The following TRABD2B variants were observed in gnomAD, a reference collection of about 807,000 sequenced individuals.
The protein encoded by TRABD2B is metalloprotease TIKI2.
Under a neutral mutation model 40.1 loss-of-function variants are expected in TRABD2B, and 14 were observed. The ratio of observed to expected loss-of-function variants is 0.35; its 90% confidence interval spans 0.23 to 0.55. The LOEUF (loss-of-function observed/expected upper bound fraction) is 0.55, where lower values mean the gene tolerates loss of function less well. Among genes scored for constraint, TRABD2B ranks in the 20% least tolerant of loss-of-function variants. The pLI is 0.90. For synonymous variants in TRABD2B, 263 were observed against 277.0 expected (o/e 0.95, Z 0.50); for missense variants, 541 against 648.6 (o/e 0.83, Z 1.80).
intron 2 of TRABD2B, among the ~76,000 whole-genome samples, chr1:47,871,712 G>T (rs542187403): frequency 6.6e-6 from 1 of 152,206 alleles, no homozygotes; most frequent in Non-Finnish European, 1.5e-5. Flanking sequence ...TTCCCAGTGA[G>T]CTGGTTAGAG....
At chr1:47,909,554 GGAAGAAGGAGGAGGAGGA>G (rs1423195067) in intron 2 of TRABD2B, among the ~76,000 whole-genome samples, 2 of 104,986 alleles carry the variant, frequency 1.9e-5, no homozygotes, top group Non-Finnish European at 4.0e-5. Context: ...AGGAGAAGAA[GGAAGAAGGAGGAGGAGGA>G]GGAGGAGGAG....
At chr1:47,941,261 G>C (rs1360147897) in intron 2 of TRABD2B, among the ~76,000 whole-genome samples, 2 of 152,116 alleles carry the variant, frequency 1.3e-5, no homozygotes, top group Admixed American at 6.5e-5. Context: ...GCTTCCGCTA[G>C]CCACACTGTG....
chr1:47,842,042 G>A (rs1456201118), intron 2 of TRABD2B, among the ~76,000 whole-genome samples: 4 of 152,106 alleles, frequency 2.6e-5, no homozygotes, highest in Admixed American at 2.6e-4. Flanking sequence ...AAAGTGCTGG[G>A]ATTACAGGCA....
At chr1:47,843,213 G>T (rs1645423242) in intron 2 of TRABD2B, among the ~76,000 whole-genome samples, 1 of 152,134 alleles carries the variant, frequency 6.6e-6, no homozygotes, top group Non-Finnish European at 1.5e-5. Context: ...TTTAAGCCGG[G>T]GGCATAAGAC....
intron 2 of TRABD2B, among the ~76,000 whole-genome samples, chr1:47,886,476 T>C (rs189966179): frequency 3.9e-5 from 6 of 152,314 alleles, no homozygotes; most frequent in African/African-American, 1.4e-4. Context: ...ACTGAATTTA[T>C]AGTCTCTGGG....
At chr1:47,789,106 C>T (rs1644636154) in intron 4 of TRABD2B, among the ~76,000 whole-genome samples, 1 of 152,178 alleles carries the variant, frequency 6.6e-6, no homozygotes, top group African/African-American at 2.4e-5. Flanking sequence ...CCAGTATGTC[C>T]TCACAGAACA....
intron 2 of TRABD2B, among the ~76,000 whole-genome samples, chr1:47,939,439 G>A (rs765499991): frequency 4.6e-5 from 7 of 152,162 alleles, no homozygotes; most frequent in Non-Finnish European, 1.0e-4. Flanking sequence ...AATAAAATAA[G>A]GTAGCAGTGA....
At chr1:47,928,575 T>C (rs1392428809) in intron 2 of TRABD2B, among the ~76,000 whole-genome samples, 2 of 152,214 alleles carry the variant, frequency 1.3e-5, no homozygotes, top group East Asian at 3.9e-4. Context: ...GTTGCTGAGC[T>C]GAGAAGAAGG....
chr1:47,914,360 T>C (rs1190082931), intron 2 of TRABD2B, among the ~76,000 whole-genome samples: 1 of 152,220 alleles, frequency 6.6e-6, no homozygotes, highest in African/African-American at 2.4e-5. Flanking sequence ...TTAGGGAGTT[T>C]CCTCCCCCTC....
intron 6 of TRABD2B, among the ~76,000 whole-genome samples, chr1:47,770,784 A>G (rs1431679986): frequency 6.6e-6 from 1 of 152,202 alleles, no homozygotes; most frequent in Non-Finnish European, 1.5e-5. Context: ...CACCCAACCA[A>G]TGCCTCATTT....
intron 2 of TRABD2B, among the ~76,000 whole-genome samples, chr1:47,973,921 T>C (rs147105367): frequency 2.6e-5 from 4 of 152,254 alleles, no homozygotes; most frequent in Admixed American, 6.5e-5. Flanking sequence ...CTGGGCAAGA[T>C]AGTGAGATCC....
Position 47,978,929 on chromosome 1 carries a change from G to C in TRABD2B, c.666+15105C>G, listed in dbSNP as rs531549084. Among the ~76,000 whole-genome samples, 8 of 152,318 alleles carry C rather than the reference G, an allele frequency of 5.3e-5. No individual in the cohort carries two copies. The East Asian group carries it at 1.5e-3, about 29-fold the overall frequency. On this transcript the variant is annotated intron_variant, in intron 2 of 6. Transcript: ENST00000606738. Reference sequence around the variant, plus strand: ...AAGAAGGAGGTTGTGGGGAAGAGCTGGGAAGTTTCCTCCAGTCCAAGGAGA... The same window carrying C: ...AAGAAGGAGGTTGTGGGGAAGAGCTCGGAAGTTTCCTCCAGTCCAAGGAGA...
At chr1:47,849,409 T>C (rs1645516900) in intron 2 of TRABD2B, among the ~76,000 whole-genome samples, 1 of 152,232 alleles carries the variant, frequency 6.6e-6, no homozygotes, top group Non-Finnish European at 1.5e-5. Flanking sequence ...GACCTTGGAC[T>C]GTGCCTCCAG....
intron 4 of TRABD2B, among the ~76,000 whole-genome samples, chr1:47,781,284 C>A (rs1248866544): frequency 6.6e-6 from 1 of 152,222 alleles, no homozygotes; most frequent in Non-Finnish European, 1.5e-5. Flanking sequence ...GCGGTCCTCG[C>A]GTTTGCCCAG....
At chr1:47,856,612 G>A (rs1643893635) in intron 2 of TRABD2B, among the ~76,000 whole-genome samples, 1 of 152,146 alleles carries the variant, frequency 6.6e-6, no homozygotes, top group Admixed American at 6.5e-5. Context: ...CAGTCATGAT[G>A]TCCTGATGGT....
At chr1:47,852,415 T>C (rs1443417980) in intron 2 of TRABD2B, among the ~76,000 whole-genome samples, 1 of 152,200 alleles carries the variant, frequency 6.6e-6, no homozygotes, top group Non-Finnish European at 1.5e-5. Flanking sequence ...CCTGACCCAC[T>C]ATGGGATTCA....
intron 2 of TRABD2B, among the ~76,000 whole-genome samples, chr1:47,977,552 G>A (rs1570403797): frequency 6.6e-6 from 1 of 151,982 alleles, no homozygotes; most frequent in Admixed American, 6.6e-5. Context: ...TTTTATATAC[G>A]TGAAGACTGA....
intron 2 of TRABD2B, among the ~76,000 whole-genome samples, chr1:47,822,255 C>T (rs1220913999): frequency 1.3e-5 from 2 of 152,220 alleles, no homozygotes; most frequent in African/African-American, 2.4e-5. Flanking sequence ...TCTCTTCCTC[C>T]TTCCCACACA....
At chr1:47,885,965 G>C (rs1167088515) in intron 2 of TRABD2B, among the ~76,000 whole-genome samples, 1 of 152,136 alleles carries the variant, frequency 6.6e-6, no homozygotes, top group Non-Finnish European at 1.5e-5. Flanking sequence ...ATATTTATGG[G>C]TCTGGAATGC....
Sources: allele counts gnomAD v4.1 joint callset (sites outside exome capture counted in the v4.1 genomes callset), GRCh38; gene constraint gnomAD v4.1.1; transcripts MANE v1.5; gene names NCBI Gene and HGNC (gene_info 2026-07-23, HGNC 2026-07-21).